SLC38A1: variants seen among roughly 807,000 people sequenced by gnomAD.
SLC38A1 encodes solute carrier family 38 member 1, also known as sodium-coupled neutral amino acid symporter 1.
Under a neutral mutation model 60.3 loss-of-function variants are expected in SLC38A1, and 18 were observed. The ratio of observed to expected loss-of-function variants is 0.30; its 90% CI spans 0.21 to 0.44. The LOEUF is 0.44. Among genes scored for constraint, SLC38A1 ranks in the 20% least tolerant of loss-of-function variants. SLC38A1 has a pLI of 1.00. For missense variants in SLC38A1, 448 were observed against 587.2 expected (o/e 0.76, Z 2.45); for synonymous variants, 196 against 212.1 (o/e 0.92, Z 0.66).
At chr12:46,195,476 G>A (rs1207553078) in intron 16 of SLC38A1, among the ~76,000 whole-genome samples, 2 of 152,168 alleles carry the variant, frequency 1.3e-5, no homozygotes, top group Non-Finnish European at 2.9e-5. Context: ...TCTCTTTAGA[G>A]CCATCAGACA....
intron 5 of SLC38A1, among the ~76,000 whole-genome samples, chr12:46,223,269 C>T (rs184062686): frequency 2.0e-5 from 3 of 152,110 alleles, no homozygotes; most frequent in Non-Finnish European, 4.4e-5. Flanking sequence ...GGGCTAATAC[C>T]TACCTCATAA....
At chr12:46,228,519 G>A (rs1940952194) in intron 5 of SLC38A1, among the ~76,000 whole-genome samples, 1 of 152,158 alleles carries the variant, frequency 6.6e-6, no homozygotes, top group Middle Eastern at 3.2e-3. Context: ...ATCAGGCTGG[G>A]CGAGAATTTT....
intron 1 of SLC38A1, among the ~76,000 whole-genome samples, chr12:46,248,827 G>A (rs1236601409): frequency 6.6e-6 from 1 of 152,114 alleles, no homozygotes; most frequent in Non-Finnish European, 1.5e-5. Flanking sequence ...CTGTCTCTCA[G>A]ACCACAGTGC....
At chr12:46,237,304 A>G (rs1372820190) in intron 3 of SLC38A1, among the ~76,000 whole-genome samples, 1 of 152,220 alleles carries the variant, frequency 6.6e-6, no homozygotes, top group African/African-American at 2.4e-5. Context: ...TTTTGCAGGA[A>G]TCATGGACTA....
chr12:46,257,149 C>G (rs1942058843), intron 1 of SLC38A1, among the ~76,000 whole-genome samples: 1 of 152,168 alleles, frequency 6.6e-6, no homozygotes, highest in South Asian at 2.1e-4. Context: ...TCAAGTTTCC[C>G]CTTTTAGGGA....
intron 5 of SLC38A1, among the ~76,000 whole-genome samples, chr12:46,211,533 G>A (rs945811929): frequency 2.6e-5 from 4 of 152,180 alleles, no homozygotes; most frequent in Admixed American, 6.5e-5. Context: ...GCAACCACGC[G>A]GTTCTTGCAC....
chr12:46,192,507 T>C (rs1421152660), intron 16 of SLC38A1, among the ~76,000 whole-genome samples: 2 of 152,230 alleles, frequency 1.3e-5, no homozygotes, highest in African/African-American at 4.8e-5. Context: ...GGAGGAATGG[T>C]ACCAGCTCCT....
intron 1 of SLC38A1, among the ~76,000 whole-genome samples, chr12:46,252,996 G>GAAAA (rs71437760): frequency 3.3e-4 from 35 of 107,200 alleles, no homozygotes; most frequent in East Asian, 1.7e-3. Context: ...ATCTTTTTTT[G>GAAAA]AAAAAAAAAA....
intron 5 of SLC38A1, among the ~76,000 whole-genome samples, chr12:46,215,613 G>A (rs1466235225): frequency 6.6e-6 from 1 of 151,962 alleles, no homozygotes; most frequent in African/African-American, 2.4e-5. Context: ...TCACCATATT[G>A]GCCAGGCTGA....
intron 1 of SLC38A1, among the ~76,000 whole-genome samples, chr12:46,252,012 C>A (rs1449667883): frequency 2.0e-5 from 3 of 152,116 alleles, no homozygotes; most frequent in African/African-American, 7.2e-5. Flanking sequence ...GATTATAAAT[C>A]TTGCTACTAT....
intron 3 of SLC38A1, among the ~76,000 whole-genome samples, chr12:46,238,306 T>G (rs1374148717): frequency 1.3e-5 from 2 of 152,082 alleles, no homozygotes; most frequent in African/African-American, 4.8e-5. Flanking sequence ...AGTGTCTGAG[T>G]TGGGGACTTA....
chr12:46,190,227 G>T (rs1939090014), intron 16 of SLC38A1, among the ~76,000 whole-genome samples: 1 of 152,042 alleles, frequency 6.6e-6, no homozygotes. Flanking sequence ...TTAAAATGAT[G>T]GTTTCTAGCT....
chr12:46,266,152 C>T, intron 1 of SLC38A1, among the ~76,000 whole-genome samples: 1 of 152,146 alleles, frequency 6.6e-6, no homozygotes, highest in East Asian at 1.9e-4. Flanking sequence ...ATCAAGGTCT[C>T]AAGGTCTCGA....
intron 1 of SLC38A1, among the ~76,000 whole-genome samples, chr12:46,264,401 G>A (rs896174824): frequency 3.3e-5 from 5 of 152,158 alleles, no homozygotes; most frequent in Non-Finnish European, 7.4e-5. Flanking sequence ...ACTTGAAACA[G>A]AGTTACTTAC....
At chr12:46,231,737 T>A (rs1293858137) in intron 3 of SLC38A1, among the ~76,000 whole-genome samples, 1 of 152,200 alleles carries the variant, frequency 6.6e-6, no homozygotes, top group Non-Finnish European at 1.5e-5. Context: ...CTTCCCAGGC[T>A]CAAGTGATTC....
At chr12:46,222,603 A>G (rs1416462532) in intron 5 of SLC38A1, among the ~76,000 whole-genome samples, 4 of 152,140 alleles carry the variant, frequency 2.6e-5, no homozygotes, top group African/African-American at 9.7e-5. Flanking sequence ...GTAGTAGTCT[A>G]ATACTCTATT....
chr12:46,206,027 T>C, intron 9 of SLC38A1, 53 bp downstream of exon 9: 2 of 1,092,192 alleles, frequency 1.8e-6, no homozygotes, highest in Non-Finnish European at 2.8e-6. Flanking sequence ...TTTATTCAGT[T>C]TCTGATTCAC....
intron 1 of SLC38A1, among the ~76,000 whole-genome samples, chr12:46,261,508 T>C (rs991230410): frequency 1.3e-5 from 2 of 152,172 alleles, no homozygotes; most frequent in African/African-American, 4.8e-5. Flanking sequence ...AAGAAAGCTA[T>C]GATCACCTGC....
At chr12:46,213,011 A>G (rs561503872) in intron 5 of SLC38A1, among the ~76,000 whole-genome samples, 1 of 152,242 alleles carries the variant, frequency 6.6e-6, no homozygotes, top group African/African-American at 2.4e-5. Context: ...CTTTAACTCA[A>G]ACATCTTTAA....
Sources: gnomAD v4.1 joint callset for allele counts (sites outside exome capture counted in the v4.1 genomes callset) on GRCh38, gnomAD v4.1.1 for gene constraint, MANE v1.5 for transcripts, NCBI Gene and HGNC (gene_info 2026-07-23, HGNC 2026-07-21) for gene names.